Variants in ASTN2 observed in about 807,000 individuals in gnomAD.
ASTN2 encodes astrotactin 2.
A neutral mutation model predicts 139.8 loss-of-function variants in ASTN2; 54 were observed. The ratio of observed to expected loss-of-function variants is 0.39; its 90% confidence interval spans 0.31 to 0.48. ASTN2 has a LOEUF of 0.48. Among genes scored for constraint, ASTN2 ranks in the 20% least tolerant of loss-of-function variants. The pLI, the probability that ASTN2 is intolerant of heterozygous loss-of-function variation, is 0.95. For synonymous variants in ASTN2, 756 were observed against 719.5 expected, an observed-to-expected ratio of 1.05 and a Z score of -0.81; for missense variants, 1,565 against 1,725.1, an observed-to-expected ratio of 0.91 and a Z score of 1.64.
chr9:117,129,479 A>C (rs1829779951), intron 4 of ASTN2, among the ~76,000 whole-genome samples: 2 of 152,364 alleles, frequency 1.3e-5, no homozygotes, highest in South Asian at 4.1e-4. Flanking sequence ...ATAAGACATC[A>C]AGATCCATAA....
chr9:116,982,014 T>C (rs1209780317), intron 7 of ASTN2, among the ~76,000 whole-genome samples: 1 of 152,200 alleles, frequency 6.6e-6, no homozygotes, highest in Non-Finnish European at 1.5e-5. Flanking sequence ...CTATGTTATA[T>C]GCATTCTCAG....
intron 2 of ASTN2, among the ~76,000 whole-genome samples, chr9:117,276,450 C>G (rs1056602406): frequency 7.9e-5 from 12 of 152,192 alleles, no homozygotes; most frequent in African/African-American, 2.9e-4. Flanking sequence ...TCATCTCCCC[C>G]CAGACAGCCT....
At chr9:117,292,755 A>C (rs939983845) in intron 1 of ASTN2, among the ~76,000 whole-genome samples, 3 of 152,122 alleles carry the variant, frequency 2.0e-5, no homozygotes, top group Non-Finnish European at 4.4e-5. Context: ...GCTGAGTTAC[A>C]GCAACTTATC....
At chr9:116,587,891 G>C (rs181362938) in intron 19 of ASTN2, among the ~76,000 whole-genome samples, 9 of 152,288 alleles carry the variant, frequency 5.9e-5, no homozygotes, top group Non-Finnish European at 1.2e-4. Flanking sequence ...AAGCATTCCA[G>C]TATCTCCTTA....
At chr9:116,726,033 C>A in intron 15 of ASTN2, 83 bp from the exon 16 acceptor site, 1 of 1,398,648 alleles carries the variant, frequency 7.1e-7, no homozygotes, top group East Asian at 2.3e-5. Context: ...GAGTTCTTCC[C>A]AACCTGTATT....
intron 16 of ASTN2, among the ~76,000 whole-genome samples, chr9:116,715,281 G>T (rs1341585423): frequency 1.1e-4 from 16 of 152,060 alleles, no homozygotes; most frequent in Admixed American, 1.0e-3. Flanking sequence ...TAACTACTTG[G>T]GAGACTGAGG....
At chr9:116,464,099 G>C (rs1186095160) in intron 20 of ASTN2, among the ~76,000 whole-genome samples, 1 of 151,970 alleles carries the variant, frequency 6.6e-6, no homozygotes, top group Non-Finnish European at 1.5e-5. Flanking sequence ...GAGTATTAAA[G>C]ATATGTTGAA....
chr9:117,322,538 A>T (rs1828365568), intron 1 of ASTN2, among the ~76,000 whole-genome samples: 1 of 152,190 alleles, frequency 6.6e-6, no homozygotes. Flanking sequence ...ACAACTGGGC[A>T]TATGGACTTA....
intron 16 of ASTN2, among the ~76,000 whole-genome samples, chr9:116,711,340 G>C (rs551924462): frequency 1.1e-4 from 16 of 152,280 alleles, no homozygotes; most frequent in African/African-American, 3.1e-4. Context: ...CTCTCTGAAT[G>C]AAATAAAATG....
intron 19 of ASTN2, among the ~76,000 whole-genome samples, chr9:116,502,237 G>C (rs1317087696): frequency 6.6e-6 from 1 of 151,588 alleles, no homozygotes; most frequent in African/African-American, 2.4e-5. Context: ...GAGACACACA[G>C]AGAGAGACAG....
intron 16 of ASTN2, among the ~76,000 whole-genome samples, chr9:116,674,601 A>T (rs1441666964): frequency 3.9e-5 from 6 of 152,232 alleles, no homozygotes; most frequent in Non-Finnish European, 8.8e-5. Context: ...GGTAAAGAGG[A>T]CTAGGCTGCC....
chr9:116,827,260 G>A (rs1459757530), intron 11 of ASTN2, among the ~76,000 whole-genome samples: 1 of 143,242 alleles, frequency 7.0e-6, no homozygotes, highest in Non-Finnish European at 1.5e-5. Flanking sequence ...AATGAGCCAG[G>A]ATTGCGCCAC....
At position 116,838,719 on chromosome 9, in the gene ASTN2, C is replaced by T. The variant is rs549227907; in HGVS notation, c.2041-17936G>A. On this transcript the variant is annotated intron_variant, in intron 11 of 22. Transcript: ENST00000313400. ...GGATTATGATTACAGGCGTGAGCCA[C>T]TGCGCCCTGCCTGGGCTGTGGTCTT... 7.2e-5 allele frequency among the ~76,000 whole-genome samples: 11 copies of T among 152,196 alleles called. No homozygotes were observed. In the East Asian group the frequency reaches 1.7e-3, roughly 24 times the overall value.
intron 10 of ASTN2, among the ~76,000 whole-genome samples, chr9:116,909,367 C>G (rs1044104992): frequency 3.3e-5 from 5 of 152,132 alleles, no homozygotes; most frequent in Admixed American, 3.3e-4. Context: ...ACAGGATATG[C>G]TGATGGTTTG....
At chr9:116,487,586 C>T in intron 19 of ASTN2, 86 bp from the exon 20 acceptor site, 1 of 1,280,452 alleles carries the variant, frequency 7.8e-7, no homozygotes, top group Non-Finnish European at 1.1e-6. Flanking sequence ...TATCAAATGT[C>T]TTGATACCAT....
intron 13 of ASTN2, among the ~76,000 whole-genome samples, chr9:116,794,351 GC>G (rs1291252240): frequency 6.6e-6 from 1 of 152,034 alleles, no homozygotes; most frequent in Non-Finnish European, 1.5e-5. Context: ...ACCCACTTCG[GC>G]CTCCCAAAGT....
chr9:116,996,393 G>A (rs994885099), intron 7 of ASTN2, among the ~76,000 whole-genome samples: 1 of 152,070 alleles, frequency 6.6e-6, no homozygotes, highest in Non-Finnish European at 1.5e-5. Flanking sequence ...TATATGTGAA[G>A]GCTTTGAAGA....
intron 16 of ASTN2, among the ~76,000 whole-genome samples, chr9:116,653,784 C>T (rs1265332558): frequency 1.3e-5 from 2 of 152,248 alleles, no homozygotes; most frequent in Non-Finnish European, 1.5e-5. Flanking sequence ...TCATTACTCT[C>T]TGGGCCCTCA....
chr9:116,980,581 A>T (rs964161958), intron 7 of ASTN2, among the ~76,000 whole-genome samples: 1 of 152,124 alleles, frequency 6.6e-6, no homozygotes, highest in Non-Finnish European at 1.5e-5. Context: ...TAGATCACTC[A>T]TCACTTCTGA....
Sources: allele counts gnomAD v4.1 joint callset (sites outside exome capture counted in the v4.1 genomes callset), GRCh38; gene constraint gnomAD v4.1.1; transcripts MANE v1.5; gene names NCBI Gene and HGNC (gene_info 2026-07-23, HGNC 2026-07-21).